The following TLK1 variants were observed in gnomAD, a reference collection of about 807,000 sequenced individuals.
TLK1 encodes the protein serine/threonine-protein kinase tousled-like 1.
A neutral mutation model predicts 105.3 loss-of-function variants in TLK1; 24 were observed. The observed-to-expected ratio is 0.23, with a 90% CI of 0.17 to 0.32. The LOEUF is 0.32. Ranked by LOEUF, TLK1 falls within the 10% of genes least tolerant of loss-of-function variation. The pLI, the probability that TLK1 is intolerant of heterozygous loss-of-function variation, is 1.00. For missense variants in TLK1, 558 were observed against 910.5 expected (o/e 0.61, Z 4.98); for synonymous variants, 321 against 310.4 (o/e 1.03, Z -0.36).
Position 171,160,530 on chromosome 2 carries a change from C to T in TLK1, c.-102G>A. 6.6e-7 allele frequency: 1 copy of T among 1,511,192 alleles called. No individual in the cohort carries two copies. Among genetic ancestry groups the T allele is most frequent in the Non-Finnish European group, 8.8e-7 (1 of 1,134,166 alleles). The allele number at this position is 1,511,192 out of a possible 1,614,324, so 93.6% of individuals were successfully genotyped here. A position where few individuals can be genotyped will look rare whatever the true frequency, so the allele number is the denominator to read the frequency against. ...TGGCGGGGGCCGCGCTGAGGGCGAG[C>T]GAGAGAGCGAGGGCTGGGAGGGGAG... On this transcript the variant is annotated 5_prime_UTR_variant, in exon 1 of 21. Transcript: ENST00000431350. This position sits in a 1 kb window ranked among gnomAD's most constrained non-coding sequence, Gnocchi z 4.4.
intron 1 of TLK1, among the ~76,000 whole-genome samples, chr2:171,206,905 T>C (rs1417975647): frequency 6.6e-6 from 1 of 152,202 alleles, no homozygotes; most frequent in African/African-American, 2.4e-5. Flanking sequence ...CAACACCAAG[T>C]GCTGACAAGG....
At chr2:171,037,799 G>A (rs1407613995) in intron 11 of TLK1, among the ~76,000 whole-genome samples, 1 of 152,166 alleles carries the variant, frequency 6.6e-6, no homozygotes, top group Non-Finnish European at 1.5e-5. Context: ...TCACAAGTGA[G>A]ATTTGCCTGT....
At chr2:171,140,038 C>T (rs866800734) in intron 1 of TLK1, among the ~76,000 whole-genome samples, 2 of 152,170 alleles carry the variant, frequency 1.3e-5, no homozygotes, top group South Asian at 2.1e-4. Context: ...GCTCACCTCC[C>T]GCTGTGTGGC....
At chr2:171,026,061 A>C (rs765692541) in intron 12 of TLK1, among the ~76,000 whole-genome samples, 14 of 152,332 alleles carry the variant, frequency 9.2e-5, no homozygotes, top group South Asian at 6.2e-4. Flanking sequence ...GTCAAAGAAA[A>C]GAAAAGTTAT....
chr2:171,133,562 G>A (rs1297291332), intron 1 of TLK1, among the ~76,000 whole-genome samples: 2 of 152,098 alleles, frequency 1.3e-5, no homozygotes, highest in African/African-American at 2.4e-5. Context: ...CTCTACCAAG[G>A]CACTTCAGCC....
chr2:171,118,838 T>C (rs1232264904), intron 1 of TLK1, among the ~76,000 whole-genome samples: 1 of 152,140 alleles, frequency 6.6e-6, no homozygotes, highest in Non-Finnish European at 1.5e-5. Context: ...TAACAACTAC[T>C]CCTATAGATC....
chr2:171,153,322 G>A (rs945132045), intron 1 of TLK1, among the ~76,000 whole-genome samples: 8 of 152,102 alleles, frequency 5.3e-5, no homozygotes, highest in African/African-American at 1.4e-4. Flanking sequence ...TAACATGTGC[G>A]AACACAATAA....
intron 3 of TLK1, 55 bp from the exon 4 acceptor site, chr2:171,061,211 TCA>T (rs1209338615): frequency 9.5e-6 from 15 of 1,570,962 alleles, no homozygotes; most frequent in Middle Eastern, 1.7e-4. Flanking sequence ...TACAAAATTA[TCA>T]CAGTCAACAT....
At position 170,992,516 on chromosome 2, in the gene TLK1, T is replaced by G. The variant is rs1683826563; in HGVS notation, c.*1264A>C. On this transcript the variant is annotated 3_prime_UTR_variant, in exon 21 of 21. Transcript: ENST00000431350. ...GTACAAACCACAAGAAATTTGCTTA[T>G]GGGACCATCTTGCTGATAAGAACTT... 6.6e-6 allele frequency: 1 copy of G among 152,612 alleles called. No homozygotes were observed. 9.5% of individuals were successfully genotyped at this position (152,612 alleles called of 1,614,324 possible). A position where few individuals can be genotyped will look rare whatever the true frequency, so the allele number is the denominator to read the frequency against.
intron 3 of TLK1, among the ~76,000 whole-genome samples, chr2:171,062,067 T>C (rs1687778116): frequency 6.6e-6 from 1 of 152,236 alleles, no homozygotes; most frequent in African/African-American, 2.4e-5. Flanking sequence ...TGTGTTCCTA[T>C]AACAGATAGA....
At chr2:171,009,924 A>AGC (rs1684826171) in intron 14 of TLK1, among the ~76,000 whole-genome samples, 1 of 152,202 alleles carries the variant, frequency 6.6e-6, no homozygotes, top group Admixed American at 6.5e-5. Context: ...GGGTCAGGGA[A>AGC]GCTGTTTAGA....
intron 1 of TLK1, among the ~76,000 whole-genome samples, chr2:171,123,453 T>A (rs906897547): frequency 2.7e-4 from 41 of 152,212 alleles, no homozygotes; most frequent in African/African-American, 9.4e-4. Context: ...TCAGCCCACC[T>A]GTGCCTCCTA....
intron 1 of TLK1, among the ~76,000 whole-genome samples, chr2:171,201,861 T>C (rs1236815491): frequency 1.3e-5 from 2 of 152,190 alleles, no homozygotes; most frequent in Non-Finnish European, 2.9e-5. Context: ...GACACCACTA[T>C]GACTATGAAC....
chr2:171,151,948 A>G (rs764223214), intron 1 of TLK1, among the ~76,000 whole-genome samples: 9 of 152,212 alleles, frequency 5.9e-5, no homozygotes, highest in Non-Finnish European at 1.0e-4. Flanking sequence ...CAAAAAAGGA[A>G]AAAAGTAAAA....
At chr2:171,220,053 A>G (rs1193843759) in intron 1 of TLK1, among the ~76,000 whole-genome samples, 1 of 152,202 alleles carries the variant, frequency 6.6e-6, no homozygotes, top group Non-Finnish European at 1.5e-5. Context: ...CATTCTGTCC[A>G]TTGTACTCTT....
At chr2:171,202,499 C>T (rs1693423064) in intron 1 of TLK1, among the ~76,000 whole-genome samples, 1 of 152,062 alleles carries the variant, frequency 6.6e-6, no homozygotes, top group African/African-American at 2.4e-5. Flanking sequence ...TGGCTTATGC[C>T]TGTAATCCCA....
intron 1 of TLK1, among the ~76,000 whole-genome samples, chr2:171,225,608 C>T (rs949542660): frequency 6.6e-6 from 1 of 152,016 alleles, no homozygotes; most frequent in Non-Finnish European, 1.5e-5. Context: ...CCAGATTTTC[C>T]ACTCTATACA....
chr2:171,061,695 A>T (rs949965445), intron 3 of TLK1, among the ~76,000 whole-genome samples: 1 of 152,254 alleles, frequency 6.6e-6, no homozygotes, highest in Non-Finnish European at 1.5e-5. Flanking sequence ...TATGCCCCAG[A>T]TAACGGATCA....
At chr2:171,227,568 C>CTTTTTTTTTTTTTTTTTTTTTTTTT (rs71401413) in intron 1 of TLK1, among the ~76,000 whole-genome samples, 8 of 55,518 alleles carry the variant, frequency 1.4e-4, no homozygotes, top group African/African-American at 2.0e-4. Context: ...AGTAAATCTC[C>CTTTTTTTTTTTTTTTTTTTTTTTTT]TTTTTTTTTT....
Sources: allele counts gnomAD v4.1 joint callset (sites outside exome capture counted in the v4.1 genomes callset), GRCh38; gene constraint gnomAD v4.1.1; non-coding constraint Gnocchi (gnomAD v3.1); transcripts MANE v1.5; gene names NCBI Gene and HGNC (gene_info 2026-07-23, HGNC 2026-07-21).